The following PRPF4 variants were observed in gnomAD, a reference collection of about 807,000 sequenced individuals.
PRPF4 encodes pre-mRNA splicing tri-snRNP complex factor PRPF4, also known as U4/U6 small nuclear ribonucleoprotein Prp4.
A neutral mutation model predicts 72.2 loss-of-function variants in PRPF4; 14 were observed. The ratio of observed to expected loss-of-function variants is 0.19; its 90% CI spans 0.13 to 0.30. The LOEUF is 0.30. Ranked by LOEUF, PRPF4 falls within the 10% of genes least tolerant of loss-of-function variation. PRPF4 has a pLI of 1.00. For synonymous variants in PRPF4, 225 were observed against 232.2 expected (o/e 0.97, Z 0.28); for missense variants, 478 against 653.9 (o/e 0.73, Z 2.93).
In PRPF4 at chr9:113,288,194, A is replaced by G; in HGVS notation, c.952A>G (p.Ile318Val). The G allele has an allele frequency of 6.2e-7, 1 of 1,614,232 alleles. No individual in the cohort carries two copies. Among genetic ancestry groups the G allele is most frequent in the Non-Finnish European group, 8.5e-7 (1 of 1,180,034 alleles). The change falls in exon 10 of 14, where the codon ATT (isoleucine) becomes GTT (valine). Residue 318 changes from isoleucine (I) to valine (V), a missense_variant. Physicochemically the swap from Ile to Val is conservative, Grantham distance 29 (BLOSUM62 3). Coordinates refer to ENST00000374198, the MANE Select transcript of PRPF4 (RefSeq NM_001244926.2). ...TTCCAGTGATGAACCAGTGGCAGAT[A>G]TTGAAGGCCATACAGTGCGTGTGGC... ...SLDSDEPVAD[I>V]EGHTVRVARV...
chr9:113,285,810 A>G (rs1179548525), intron 7 of PRPF4, among the ~76,000 whole-genome samples: 2 of 152,116 alleles, frequency 1.3e-5, no homozygotes, highest in Non-Finnish European at 2.9e-5. Context: ...GGCTGCAGTG[A>G]ACTGTGATCA....
At chr9:113,291,097 C>A in intron 13 of PRPF4, 81 bp downstream of exon 13, 2 of 1,354,388 alleles carry the variant, frequency 1.5e-6, no homozygotes, top group Non-Finnish European at 2.1e-6. Context: ...CAGGCTTTAG[C>A]TTAACTGAGC....
chr9:113,282,558 A>C (rs1041937286), intron 3 of PRPF4, 88 bp from the exon 4 acceptor site: 39 of 987,422 alleles, frequency 3.9e-5, no homozygotes, highest in Non-Finnish European at 5.7e-5. Context: ...CTTTAATAAC[A>C]GTGTTTAAAA....
At position 113,290,895 on chromosome 9, in the gene PRPF4, C is replaced by T; in HGVS notation, c.1254-3C>T. 1.2e-6 allele frequency: 2 copies of T among 1,613,930 alleles called. No homozygotes were observed. ...TAACTTCAATACTGCATCCAATCCA[C>T]AGCTATCACATTGCAACCGGCAGTG... On this transcript the variant is annotated splice_region_variant and splice_polypyrimidine_tract_variant and intron_variant, in intron 12 of 13. Coordinates refer to ENST00000374198, the MANE Select transcript of PRPF4 (RefSeq NM_001244926.2).
intron 2 of PRPF4, 113 bp downstream of exon 2, chr9:113,276,838 CAG>C (rs937580001): frequency 1.7e-6 from 2 of 1,211,770 alleles, no homozygotes; most frequent in South Asian, 1.5e-5. Context: ...TTTTTTTAAA[CAG>C]AGTCTCGCTC....
intron 10 of PRPF4, among the ~76,000 whole-genome samples, 176 bp downstream of exon 10, chr9:113,288,440 CT>C (rs36114176): frequency 0.32 from 46,193 of 144,076 alleles, 7,298 homozygotes; most frequent in South Asian, 0.53. Flanking sequence ...GTATATTTGC[CT>C]TTTTTTTTTT....
At chr9:113,279,311 A>G (rs561414848) in intron 3 of PRPF4, among the ~76,000 whole-genome samples, 180 bp downstream of exon 3, 2 of 151,580 alleles carry the variant, frequency 1.3e-5, no homozygotes, top group African/African-American at 4.9e-5. Flanking sequence ...CGCACTATTA[A>G]TGTTTCTTTT....
chr9:113,275,892 G>C (rs917661104), intron 1 of PRPF4, 122 bp downstream of exon 1: 48 of 1,346,894 alleles, frequency 3.6e-5, no homozygotes, highest in Middle Eastern at 2.1e-4. Context: ...GAAGGCTGCG[G>C]GACTCAGCGG....
In PRPF4 at chr9:113,285,343, A is replaced by ATTTT. The variant is rs71367713; in HGVS notation, c.750-839_750-836dup. ...CAATAGTGAGACCCTGTCTCTACAA[A>ATTTT]TTTTTTTTTTTTTTTTTTTTTTTTT... On this transcript the variant is annotated intron_variant, in intron 7 of 13. Transcript: ENST00000374198. Among the ~76,000 whole-genome samples the ATTTT allele has an allele frequency of 5.3e-4, 36 of 67,578 alleles. 5 individuals carry two copies. The highest frequency in any genetic ancestry group is 9.3e-4 in the East Asian group (2 of 2,154). 44.3% of individuals were successfully genotyped at this position (67,578 alleles called of 152,430 possible).
chr9:113,283,370 TG>T lies in PRPF4; in HGVS notation c.561-17del. On this transcript the variant is annotated intron_variant, in intron 5 of 13. Transcript: ENST00000374198. The stretch of plus-strand genomic sequence containing the variant: ...TTTACAACCCTGTTGCTCCTGGTGA[TG>T]GTGTTTCTGTGTCGCAGGGCAATGA... 6.2e-7 allele frequency: 1 copy of T among 1,614,062 alleles called. No individual in the cohort carries two copies. Among genetic ancestry groups the T allele is most frequent in the Non-Finnish European group, 8.5e-7 (1 of 1,179,970 alleles).
chr9:113,277,056 G>T (rs1046021937), intron 2 of PRPF4, among the ~76,000 whole-genome samples: 1 of 151,924 alleles, frequency 6.6e-6, no homozygotes, highest in African/African-American at 2.4e-5. Context: ...CTTGTGATCC[G>T]CCCGCCTCGT....
intron 8 of PRPF4, 150 bp from the exon 9 acceptor site, chr9:113,286,555 A>G (rs781368842): frequency 6.9e-5 from 85 of 1,223,434 alleles, no homozygotes; most frequent in Non-Finnish European, 8.9e-5. Flanking sequence ...TTAAAAATGT[A>G]ATTTAAATAT....
Position 113,291,871 on chromosome 9 carries a change from A to T in PRPF4, c.*211A>T. On this transcript the variant is annotated 3_prime_UTR_variant, in exon 14 of 14. Coordinates refer to ENST00000374198, the MANE Select transcript of PRPF4 (RefSeq NM_001244926.2). ...GAACCCCTCTCACGGTTGAAAATTT[A>T]TTACCTTTTTACGCCCTGCCACGAA... 1.9e-6 allele frequency: 1 copy of T among 533,686 alleles called. No individual in the cohort carries two copies. Among genetic ancestry groups the T allele is most frequent in the Non-Finnish European group, 3.3e-6 (1 of 301,684 alleles). 33.1% of individuals were successfully genotyped at this position (533,686 alleles called of 1,614,324 possible).
chr9:113,287,549 T>A (rs562658055), intron 9 of PRPF4, among the ~76,000 whole-genome samples: 19 of 152,280 alleles, frequency 1.2e-4, no homozygotes, highest in African/African-American at 4.3e-4. Context: ...TTGTTTAGTT[T>A]TCTTTCTTTG....
intron 1 of PRPF4, 125 bp downstream of exon 1, chr9:113,275,895 C>T: frequency 7.5e-7 from 1 of 1,334,352 alleles, no homozygotes; most frequent in Non-Finnish European, 1.0e-6. Context: ...GGCTGCGGGA[C>T]TCAGCGGTGT....
intron 9 of PRPF4, among the ~76,000 whole-genome samples, chr9:113,287,547 T>C (rs1033952461): frequency 6.6e-6 from 1 of 152,128 alleles, no homozygotes; most frequent in Non-Finnish European, 1.5e-5. Flanking sequence ...AATTGTTTAG[T>C]TTTCTTTCTT....
At chr9:113,286,111 T>A in intron 7 of PRPF4, 121 bp from the exon 8 acceptor site, 1 of 1,127,636 alleles carries the variant, frequency 8.9e-7, no homozygotes, top group Non-Finnish European at 1.3e-6. Flanking sequence ...CTTTTATTTT[T>A]CTGTCAGCCA....
intron 7 of PRPF4, among the ~76,000 whole-genome samples, chr9:113,286,011 G>GGCTACTA (rs1365003761): frequency 2.0e-5 from 3 of 152,158 alleles, no homozygotes; most frequent in African/African-American, 7.2e-5. Flanking sequence ...AATGGCTACT[G>GGCTACTA]GTGTAGTGTT....
intron 10 of PRPF4, 146 bp downstream of exon 10, chr9:113,288,410 T>C (rs1425149587): frequency 1.4e-6 from 1 of 713,682 alleles, no homozygotes; most frequent in African/African-American, 1.8e-5. Flanking sequence ...GAGGAGAATG[T>C]TTAATATAGT....
Sources: allele counts gnomAD v4.1 joint callset (sites outside exome capture counted in the v4.1 genomes callset), GRCh38; gene constraint gnomAD v4.1.1; transcripts MANE v1.5; gene names NCBI Gene and HGNC (gene_info 2026-07-23, HGNC 2026-07-21).